The following PCDHA2 variants were observed in gnomAD, a reference collection of about 807,000 sequenced individuals.
PCDHA2 encodes protocadherin alpha 2.
A neutral mutation model predicts 66.0 loss-of-function variants in PCDHA2; 58 were observed. That is an observed-to-expected ratio of 0.88 (90% CI 0.71 to 1.09). The LOEUF (loss-of-function observed/expected upper bound fraction) is 1.09, where lower values mean the gene tolerates loss of function less well. Ranked by LOEUF, PCDHA2 falls within the 50% of genes least tolerant of loss-of-function variation. PCDHA2 has a pLI of 0.00. For synonymous variants in PCDHA2, 634 were observed against 554.0 expected (o/e 1.14, Z -2.03); for missense variants, 1,267 against 1,242.3 (o/e 1.02, Z -0.30).
chr5:140,968,355 G>C lies in PCDHA2; in HGVS notation c.2389-10594G>C. On this transcript the variant is annotated intron_variant, in intron 1 of 3. Transcript: ENST00000526136. ...GTCTCCATTAACAGTGCCAGTGGCA[G>C]CCTTTATGCTGTCAACTCCTTTGAC... 1 of 1,614,080 alleles carries C rather than the reference G, an allele frequency of 6.2e-7. No individual in the cohort carries two copies. The highest frequency in any genetic ancestry group is 8.5e-7 in the Non-Finnish European group (1 of 1,180,010).
chr5:140,809,211 C>G lies in PCDHA2; in HGVS notation c.2388+11859C>G, dbSNP rs1554125084. On this transcript the variant is annotated intron_variant, in intron 1 of 3. Transcript: ENST00000526136. ...GTGTCACTTGTGGAGAGTGGACAGG[C>G]GCCAAAGGCCTCCTCACGGGCGTTG... 2.5e-6 allele frequency: 4 copies of G among 1,613,930 alleles called. No individual in the cohort carries two copies. The highest frequency in any genetic ancestry group is 2.7e-5 in the African/African-American group (2 of 74,942).
intron 1 of PCDHA2, chr5:140,806,953 G>A: frequency 1.7e-6 from 1 of 591,132 alleles, no homozygotes; most frequent in South Asian, 2.2e-5. Context: ...AGTGTGTGGG[G>A]GTTTCCACAA....
At chr5:140,930,778 T>G (rs891094443) in intron 1 of PCDHA2, among the ~76,000 whole-genome samples, 1 of 152,200 alleles carries the variant, frequency 6.6e-6, no homozygotes, top group African/African-American at 2.4e-5. Flanking sequence ...CTTAATATTT[T>G]CACAATATAA....
Position 140,849,847 on chromosome 5 carries a change from A to G in PCDHA2, c.2388+52495A>G, listed in dbSNP as rs2150453307. 2.4e-5 allele frequency: 39 copies of G among 1,598,408 alleles called. 5 individuals are homozygous for G. In the South Asian group the frequency reaches 2.8e-4, roughly 11 times the overall value. On this transcript the variant is annotated intron_variant, in intron 1 of 3. Transcript: ENST00000526136. ...GTGGAGGTGGCCGACGTGAACGACA[A>G]CGCACCAGCGTTCGCGCAGTCCGAG...
chr5:140,877,015 G>A, intron 1 of PCDHA2: 1 of 1,612,474 alleles, frequency 6.2e-7, no homozygotes, highest in Non-Finnish European at 8.5e-7. Context: ...CGCGGAGAGC[G>A]GCAAGGTGTA....
At chr5:140,989,373 C>A (rs1189877807) in intron 3 of PCDHA2, among the ~76,000 whole-genome samples, 1 of 152,088 alleles carries the variant, frequency 6.6e-6, no homozygotes, top group Non-Finnish European at 1.5e-5. Context: ...TGACTGAGAG[C>A]TTTGTGGGAA....
chr5:140,985,465 A>T (rs1195143465), intron 3 of PCDHA2, among the ~76,000 whole-genome samples: 1 of 152,126 alleles, frequency 6.6e-6, no homozygotes, highest in Non-Finnish European at 1.5e-5. Flanking sequence ...TGCTCCAAAA[A>T]ATTTGGTTGT....
intron 1 of PCDHA2, among the ~76,000 whole-genome samples, chr5:140,912,160 C>T (rs1208125180): frequency 6.6e-6 from 1 of 152,134 alleles, no homozygotes. Context: ...TGTTTTTATT[C>T]TGGCTGTGCT....
At chr5:140,971,640 A>G (rs2096489850) in intron 1 of PCDHA2, among the ~76,000 whole-genome samples, 1 of 152,184 alleles carries the variant, frequency 6.6e-6, no homozygotes, top group Non-Finnish European at 1.5e-5. Context: ...CCATGTGCCT[A>G]CATTAAAAGT....
chr5:140,905,593 G>C (rs781937038), intron 1 of PCDHA2, among the ~76,000 whole-genome samples: 1 of 152,072 alleles, frequency 6.6e-6, no homozygotes, highest in Non-Finnish European at 1.5e-5. Context: ...TATTTTGCTG[G>C]GAATTGCATT....
At chr5:140,869,433 G>A in intron 1 of PCDHA2, 2 of 1,614,226 alleles carry the variant, frequency 1.2e-6, no homozygotes, top group Non-Finnish European at 1.7e-6. Context: ...AGGTGATCGT[G>A]GACAGGCCGC....
At chr5:140,858,172 G>A (rs1554151243) in intron 1 of PCDHA2, 1 of 1,597,816 alleles carries the variant, frequency 6.3e-7, no homozygotes, top group South Asian at 1.1e-5. Context: ...TGTCCAGCTT[G>A]CTGGTGCTCA....
chr5:140,812,494 G>T (rs2126639438), intron 1 of PCDHA2: 1 of 151,910 alleles, frequency 6.6e-6, no homozygotes, highest in East Asian at 1.9e-4. Context: ...CTTTATTATA[G>T]TATTTCCTCC....
chr5:140,800,074 G>A (rs1421495694), intron 1 of PCDHA2, among the ~76,000 whole-genome samples: 1 of 151,986 alleles, frequency 6.6e-6, no homozygotes, highest in African/African-American at 2.4e-5. Context: ...AAAAAAACTG[G>A]AATCTAGAAA....
rs370073139 is a variant in PCDHA2 at position 140,795,332 on chromosome 5, T to C, written c.368T>C (p.Val123Ala). The C allele has an allele frequency of 2.6e-5, 42 of 1,613,634 alleles. No homozygotes were observed. In the African/African-American group the frequency reaches 5.2e-4, roughly 20 times the overall value. ...PLQVFHVEVEVKDINDNPPIF... is the reference protein window; with the variant it reads ...PLQVFHVEVEAKDINDNPPIF... ...CAGGTTTTCCATGTGGAAGTGGAGG[T>C]GAAGGACATTAACGACAACCCGCCA... The change falls in exon 1 of 4, where the codon GTG becomes GCG. Residue 123 changes from valine (V) to alanine (A), a missense_variant. By Grantham distance (64) the Val-to-Ala change is moderately conservative (BLOSUM62 0). Transcript: ENST00000526136.
At chr5:140,949,167 T>C (rs2094348737) in intron 1 of PCDHA2, among the ~76,000 whole-genome samples, 1 of 151,798 alleles carries the variant, frequency 6.6e-6, no homozygotes, top group Admixed American at 6.6e-5. Flanking sequence ...AATTCTCTTT[T>C]GGTCAGAGAA....
intron 1 of PCDHA2, among the ~76,000 whole-genome samples, chr5:140,951,891 C>T (rs913687305): frequency 1.3e-5 from 2 of 152,110 alleles, no homozygotes; most frequent in Non-Finnish European, 2.9e-5. Context: ...TCTCTTCTGC[C>T]TATGAGCCTG....
chr5:140,982,678 C>T (rs781968397), intron 3 of PCDHA2, 115 bp downstream of exon 3: 29 of 1,438,778 alleles, frequency 2.0e-5, no homozygotes, highest in Non-Finnish European at 2.6e-5. Context: ...TTTGTTATTC[C>T]CTTTTTTCCA....
chr5:140,828,695 A>G (rs2150158000), intron 1 of PCDHA2: 1 of 1,614,236 alleles, frequency 6.2e-7, no homozygotes, highest in South Asian at 1.1e-5. Flanking sequence ...ATCCTTGGAC[A>G]GAGAGGAAGC....
Sources: gnomAD v4.1 joint callset for allele counts (sites outside exome capture counted in the v4.1 genomes callset) on GRCh38, gnomAD v4.1.1 for gene constraint, MANE v1.5 for transcripts, NCBI Gene and HGNC (gene_info 2026-07-23, HGNC 2026-07-21) for gene names.